LRMDA: variants seen among roughly 807,000 people sequenced by gnomAD.
LRMDA encodes the protein leucine rich melanocyte differentiation associated.
LRMDA carries 18 observed loss-of-function variants against 29.8 expected under a neutral mutation model. The ratio of observed to expected loss-of-function variants is 0.60; its 90% CI spans 0.42 to 0.90. The LOEUF (loss-of-function observed/expected upper bound fraction) is 0.90, where lower values mean the gene tolerates loss of function less well. Among genes scored for constraint, LRMDA ranks in the 40% least tolerant of loss-of-function variants. The pLI is 0.00. For missense variants in LRMDA, 273 were observed against 273.9 expected (o/e 1.00, Z 0.02); for synonymous variants, 125 against 109.4 (o/e 1.14, Z -0.89).
intron 6 of LRMDA, among the ~76,000 whole-genome samples, chr10:76,492,608 T>A (rs1229345615): frequency 6.6e-6 from 1 of 152,036 alleles, no homozygotes; most frequent in Non-Finnish European, 1.5e-5. Flanking sequence ...AGACCTTGTA[T>A]TAATTCGTTT....
At chr10:75,774,952 C>T (rs904334240) in intron 2 of LRMDA, among the ~76,000 whole-genome samples, 1 of 152,166 alleles carries the variant, frequency 6.6e-6, no homozygotes, top group Non-Finnish European at 1.5e-5. Context: ...ATGATATCAG[C>T]GGTGGGAGGT....
intron 5 of LRMDA, among the ~76,000 whole-genome samples, chr10:76,321,986 A>G (rs1840777282): frequency 6.6e-6 from 1 of 152,214 alleles, no homozygotes; most frequent in Non-Finnish European, 1.5e-5. Context: ...CAAAGATTTA[A>G]GAGTCTTTAT....
intron 2 of LRMDA, among the ~76,000 whole-genome samples, chr10:75,942,047 G>T (rs891363493): frequency 1.3e-5 from 2 of 152,024 alleles, no homozygotes; most frequent in African/African-American, 4.8e-5. Context: ...GCTTGGGCAG[G>T]TTCTCATTTC....
At chr10:75,983,004 C>T (rs1564622744) in intron 2 of LRMDA, among the ~76,000 whole-genome samples, 1 of 152,146 alleles carries the variant, frequency 6.6e-6, no homozygotes, top group Non-Finnish European at 1.5e-5. Context: ...GTCACATAGC[C>T]CACATGGACC....
At chr10:75,737,120 CAT>C (rs1285576595) in intron 2 of LRMDA, among the ~76,000 whole-genome samples, 3 of 152,180 alleles carry the variant, frequency 2.0e-5, no homozygotes, top group Non-Finnish European at 2.9e-5. Context: ...CACGCACACA[CAT>C]GCACACATGC....
At chr10:76,371,117 C>T (rs761856520) in intron 6 of LRMDA, among the ~76,000 whole-genome samples, 4 of 152,140 alleles carry the variant, frequency 2.6e-5, no homozygotes, top group Non-Finnish European at 4.4e-5. Flanking sequence ...AAATTTGGAT[C>T]GTGTCATTGC....
At chr10:75,472,632 G>A (rs1041985981) in intron 2 of LRMDA, among the ~76,000 whole-genome samples, 1 of 152,210 alleles carries the variant, frequency 6.6e-6, no homozygotes, top group African/African-American at 2.4e-5. Flanking sequence ...CCTTTATGGG[G>A]ATGAAAATTC....
intron 2 of LRMDA, among the ~76,000 whole-genome samples, chr10:75,797,080 T>G (rs919309841): frequency 6.6e-6 from 1 of 152,312 alleles, no homozygotes; most frequent in East Asian, 1.9e-4. Flanking sequence ...AATTCACCAA[T>G]GAAACCCTTT....
intron 2 of LRMDA, among the ~76,000 whole-genome samples, chr10:75,682,955 TC>T (rs1226083885): frequency 3.3e-5 from 5 of 152,172 alleles, no homozygotes; most frequent in Non-Finnish European, 1.5e-5. Context: ...AGCATATCCA[TC>T]CCCAGGGACT....
chr10:76,326,402 A>G (rs1228807022), intron 6 of LRMDA, among the ~76,000 whole-genome samples: 2 of 152,226 alleles, frequency 1.3e-5, no homozygotes, highest in Admixed American at 6.5e-5. Context: ...CAAGTTTCTG[A>G]TCATGTACAT....
At chr10:76,483,000 C>G (rs1842746768) in intron 6 of LRMDA, among the ~76,000 whole-genome samples, 1 of 151,940 alleles carries the variant, frequency 6.6e-6, no homozygotes, top group African/African-American at 2.4e-5. Flanking sequence ...GTTGAACACT[C>G]TTTCATACAT....
intron 5 of LRMDA, among the ~76,000 whole-genome samples, chr10:76,276,875 C>T (rs928161343): frequency 6.6e-6 from 1 of 152,160 alleles, no homozygotes; most frequent in Non-Finnish European, 1.5e-5. Flanking sequence ...GTTTTCAAAG[C>T]CTTTGACATC....
At chr10:75,504,393 T>A (rs1188261646) in intron 2 of LRMDA, among the ~76,000 whole-genome samples, 1 of 152,054 alleles carries the variant, frequency 6.6e-6, no homozygotes, top group Non-Finnish European at 1.5e-5. Context: ...AGCTTTCAGT[T>A]GTGAGTGGGG....
chr10:76,063,960 T>C (rs989309954), intron 5 of LRMDA, among the ~76,000 whole-genome samples: 3 of 152,186 alleles, frequency 2.0e-5, no homozygotes, highest in African/African-American at 7.2e-5. Context: ...GAACCTTGTG[T>C]TTTGTTCGTT....
intron 2 of LRMDA, among the ~76,000 whole-genome samples, chr10:75,930,299 GTTGAGCTTAGGCC>G (rs1350004224): frequency 1.7e-4 from 26 of 152,082 alleles, no homozygotes; most frequent in Admixed American, 1.7e-3. Flanking sequence ...TGTTTTCTGT[GTTGAGCTTAGGCC>G]TTTTATAGAT....
intron 6 of LRMDA, among the ~76,000 whole-genome samples, chr10:76,419,328 G>T (rs1434142715): frequency 1.3e-5 from 2 of 151,810 alleles, no homozygotes; most frequent in Non-Finnish European, 2.9e-5. Context: ...AATATAAATG[G>T]AATCATACAG....
chr10:75,608,129 T>TATATATATATACACAC (rs11271217), intron 2 of LRMDA, among the ~76,000 whole-genome samples: 36 of 89,596 alleles, frequency 4.0e-4, no homozygotes, highest in South Asian at 1.2e-3. Context: ...TATATATATA[T>TATATATATATACACAC]ACACACACAT....
chr10:75,447,810 C>A (rs1844412021), intron 2 of LRMDA, among the ~76,000 whole-genome samples: 1 of 152,080 alleles, frequency 6.6e-6, no homozygotes. Flanking sequence ...GTGGGAGGAT[C>A]ACTTGAACCC....
intron 5 of LRMDA, among the ~76,000 whole-genome samples, chr10:76,260,044 G>GT (rs1839913400): frequency 6.6e-6 from 1 of 151,658 alleles, no homozygotes; most frequent in Admixed American, 6.6e-5. Context: ...TCCTGTCTAT[G>GT]TTTTTTAATT....
Sources: gnomAD v4.1 joint callset for allele counts (sites outside exome capture counted in the v4.1 genomes callset) on GRCh38, gnomAD v4.1.1 for gene constraint, MANE v1.5 for transcripts, NCBI Gene and HGNC (gene_info 2026-07-23, HGNC 2026-07-21) for gene names.